Variants in CCDC138 observed in about 807,000 individuals in gnomAD.
CCDC138 encodes the protein coiled-coil domain-containing protein 138.
In CCDC138, 66 loss-of-function variants were observed where a neutral mutation model predicts 82.3. The ratio of observed to expected loss-of-function variants is 0.80; its 90% CI spans 0.66 to 0.98. CCDC138 has a LOEUF of 0.98. Among genes scored for constraint, CCDC138 ranks in the 50% least tolerant of loss-of-function variants. The pLI is 0.00. For synonymous variants in CCDC138, 297 were observed against 265.4 expected (o/e 1.12, Z -1.16); for missense variants, 816 against 758.9 (o/e 1.08, Z -0.88).
chr2:108,836,481 T>C (rs542655981), intron 10 of CCDC138, among the ~76,000 whole-genome samples: 2 of 152,338 alleles, frequency 1.3e-5, no homozygotes, highest in African/African-American at 4.8e-5. Flanking sequence ...GCAAATATCC[T>C]TTCAAGACCC....
rs56122981 is a variant in CCDC138 at position 108,809,448 on chromosome 2, T to TTGTG, written c.856-3146_856-3143dup. Among the ~76,000 whole-genome samples, 539 of 141,218 alleles carry TTGTG rather than the reference T, an allele frequency of 3.8e-3. 5 individuals are homozygous for TTGTG. The highest frequency in any genetic ancestry group is 0.013 in the South Asian group (53 of 4,214). The allele number at this position is 141,218 out of a possible 152,430, so 92.6% of individuals were successfully genotyped here. A position where few individuals can be genotyped will look rare whatever the true frequency, so the allele number is the denominator to read the frequency against. On this transcript the variant is annotated intron_variant, in intron 7 of 14. Transcript: ENST00000295124. ...TGTTCCAGTCCATGAACATGAAATG[T>TTGTG]TGTGTGTGTGTGTGTGTGTGTGTGT...
At chr2:108,808,007 G>A (rs1344121077) in intron 7 of CCDC138, among the ~76,000 whole-genome samples, 1 of 152,100 alleles carries the variant, frequency 6.6e-6, no homozygotes, top group Non-Finnish European at 1.5e-5. Context: ...ATTATATTCT[G>A]TACTTCTGTG....
At chr2:108,825,584 A>G (rs1380758005) in intron 10 of CCDC138, among the ~76,000 whole-genome samples, 1 of 152,034 alleles carries the variant, frequency 6.6e-6, no homozygotes, top group African/African-American at 2.4e-5. Flanking sequence ...TCCGTGGCTG[A>G]CTCATTTATT....
chr2:108,862,077 G>GTTTTTTTTTT (rs71383810), intron 13 of CCDC138, among the ~76,000 whole-genome samples: 2 of 141,386 alleles, frequency 1.4e-5, no homozygotes, highest in Non-Finnish European at 1.5e-5. Flanking sequence ...TATGATTTCA[G>GTTTTTTTTTT]TTTTTTTTTT....
intron 12 of CCDC138, among the ~76,000 whole-genome samples, chr2:108,855,958 T>C (rs1375443882): frequency 6.6e-6 from 1 of 152,202 alleles, no homozygotes; most frequent in African/African-American, 2.4e-5. Context: ...TTTTTTTCCC[T>C]CTGAATAGCA....
chr2:108,845,944 T>C (rs1690387721), intron 11 of CCDC138, among the ~76,000 whole-genome samples: 1 of 152,236 alleles, frequency 6.6e-6, no homozygotes, highest in Non-Finnish European at 1.5e-5. Context: ...CATGCTACTA[T>C]TTCTATTTTG....
intron 12 of CCDC138, among the ~76,000 whole-genome samples, chr2:108,849,448 C>T (rs1348460390): frequency 6.6e-6 from 1 of 152,098 alleles, no homozygotes; most frequent in Non-Finnish European, 1.5e-5. Context: ...ACACCCTGGC[C>T]ACTGGATTTC....
chr2:108,846,041 G>T (rs1690412702), intron 11 of CCDC138, among the ~76,000 whole-genome samples: 1 of 151,802 alleles, frequency 6.6e-6, no homozygotes. Context: ...AAAAGTTTTT[G>T]GAGTCACTAT....
chr2:108,811,247 C>CTCTCTTTTTT (rs760937756), intron 7 of CCDC138, among the ~76,000 whole-genome samples: 3 of 113,894 alleles, frequency 2.6e-5, no homozygotes, highest in South Asian at 3.0e-4. Context: ...TTCTCTCTCT[C>CTCTCTTTTTT]TTTTTTTTTT....
chr2:108,851,674 T>C (rs1574225130), intron 12 of CCDC138, among the ~76,000 whole-genome samples: 1 of 152,152 alleles, frequency 6.6e-6, no homozygotes, highest in Non-Finnish European at 1.5e-5. Flanking sequence ...CTGGACTCTC[T>C]CTGGGGAGGA....
chr2:108,866,584 C>T (rs1694445140), intron 13 of CCDC138, among the ~76,000 whole-genome samples: 1 of 152,152 alleles, frequency 6.6e-6, no homozygotes, highest in South Asian at 2.1e-4. Flanking sequence ...AGTATTGACA[C>T]ATTGAAATGA....
At chr2:108,812,087 A>T (rs1574022198) in intron 7 of CCDC138, among the ~76,000 whole-genome samples, 1 of 152,286 alleles carries the variant, frequency 6.6e-6, no homozygotes, top group African/African-American at 2.4e-5. Flanking sequence ...TGTGCAAGAC[A>T]TCTCTACTTG....
intron 14 of CCDC138, among the ~76,000 whole-genome samples, chr2:108,875,127 T>TTACATACAAA (rs1297417509): frequency 6.6e-6 from 1 of 151,842 alleles, no homozygotes; most frequent in Non-Finnish European, 1.5e-5. Context: ...CCTTTTGTAT[T>TTACATACAAA]AGGATAGTAC....
At chr2:108,853,528 CTT>C (rs34664337) in intron 12 of CCDC138, among the ~76,000 whole-genome samples, 26 of 139,004 alleles carry the variant, frequency 1.9e-4, no homozygotes, top group Non-Finnish European at 1.9e-4. Flanking sequence ...TGATAGCTTT[CTT>C]TTTTTTTTTT....
At chr2:108,799,013 T>C (rs1458052761) in intron 6 of CCDC138, among the ~76,000 whole-genome samples, 1 of 152,166 alleles carries the variant, frequency 6.6e-6, no homozygotes, top group Non-Finnish European at 1.5e-5. Flanking sequence ...ATGTTTACTT[T>C]CTCAGTTGGT....
intron 13 of CCDC138, among the ~76,000 whole-genome samples, chr2:108,871,370 T>TAAAAAAAAAAAAAAAA (rs59725353): frequency 1.3e-5 from 1 of 76,674 alleles, no homozygotes; most frequent in Non-Finnish European, 2.5e-5. Context: ...CCAACTCTAT[T>TAAAAAAAAAAAAAAAA]AAAAAAAAAA....
At chr2:108,800,696 A>G (rs1681794313) in intron 6 of CCDC138, among the ~76,000 whole-genome samples, 1 of 106,298 alleles carries the variant, frequency 9.4e-6, no homozygotes, top group Non-Finnish European at 1.7e-5. Context: ...TTACACATGT[A>G]TACATGTGCC....
At chr2:108,813,544 A>G (rs1421248878) in intron 9 of CCDC138, among the ~76,000 whole-genome samples, 5 of 152,184 alleles carry the variant, frequency 3.3e-5, no homozygotes, top group African/African-American at 1.2e-4. Flanking sequence ...AGCATTTGCT[A>G]TTATATTTCA....
At chr2:108,797,018 C>T (rs1190948630) in intron 5 of CCDC138, among the ~76,000 whole-genome samples, 1 of 152,142 alleles carries the variant, frequency 6.6e-6, no homozygotes, top group Non-Finnish European at 1.5e-5. Flanking sequence ...TAATAGATAT[C>T]CCCATCACCT....
Sources: gnomAD v4.1 joint callset for allele counts (sites outside exome capture counted in the v4.1 genomes callset) on GRCh38, gnomAD v4.1.1 for gene constraint, MANE v1.5 for transcripts, NCBI Gene and HGNC (gene_info 2026-07-23, HGNC 2026-07-21) for gene names.